Variants in IFT43 observed in about 807,000 individuals in gnomAD.
IFT43 encodes the protein intraflagellar transport 43.
IFT43 carries 33 observed loss-of-function variants against 32.3 expected under a neutral mutation model. The observed-to-expected ratio is 1.02, with a 90% CI of 0.77 to 1.37. The LOEUF is 1.37. Among genes scored for constraint, IFT43 ranks in the 40% most tolerant of loss-of-function variants. IFT43 has a pLI of 0.00. For missense variants in IFT43, 274 were observed against 265.9 expected, an observed-to-expected ratio of 1.03 and a Z score of -0.21; for synonymous variants, 93 against 98.2, an observed-to-expected ratio of 0.95 and a Z score of 0.31.
intron 5 of IFT43, among the ~76,000 whole-genome samples, chr14:76,061,208 A>G (rs529465854): frequency 6.6e-6 from 1 of 152,160 alleles, no homozygotes; most frequent in Non-Finnish European, 1.5e-5. Context: ...GAAGACGATC[A>G]TTATTCTTAT....
intron 2 of IFT43, among the ~76,000 whole-genome samples, chr14:75,993,059 A>G (rs982070842): frequency 6.6e-6 from 1 of 152,180 alleles, no homozygotes; most frequent in East Asian, 1.9e-4. Flanking sequence ...GATAGCTGGA[A>G]AGACAAAGTG....
intron 2 of IFT43, among the ~76,000 whole-genome samples, chr14:76,008,827 C>T (rs1412010814): frequency 6.6e-6 from 1 of 152,160 alleles, no homozygotes; most frequent in African/African-American, 2.4e-5. Context: ...AGTGTTCAAG[C>T]TGTTACTAAT....
intron 5 of IFT43, among the ~76,000 whole-genome samples, chr14:76,065,660 A>G (rs1219044831): frequency 6.6e-6 from 1 of 152,184 alleles, no homozygotes; most frequent in Admixed American, 6.5e-5. Context: ...GATTCATCTA[A>G]GCTGTTGCAT....
chr14:76,040,378 G>A (rs2036684384), intron 3 of IFT43, among the ~76,000 whole-genome samples: 1 of 152,212 alleles, frequency 6.6e-6, no homozygotes, highest in Non-Finnish European at 1.5e-5. Flanking sequence ...GTGTATTCAT[G>A]TGATAGTATA....
At chr14:75,992,014 C>A (rs2035653622) in intron 2 of IFT43, among the ~76,000 whole-genome samples, 1 of 152,202 alleles carries the variant, frequency 6.6e-6, no homozygotes, top group South Asian at 2.1e-4. Context: ...TGTCCTCTTG[C>A]TGACTGTATT....
chr14:75,985,861 C>T, intron 1 of IFT43, 21 bp downstream of exon 1: 1 of 1,613,370 alleles, frequency 6.2e-7, no homozygotes, highest in Non-Finnish European at 8.5e-7. Flanking sequence ...ATTCGGGGGC[C>T]TTGGGGGCCA....
At position 76,026,123 on chromosome 14, in the gene IFT43, G is replaced by A. The variant is rs144372521; in HGVS notation, c.215+3729G>A. ...AGAAAAAAAAATCCCACTAAAAAAT[G>A]GGCAAAGGATGAACAAACACTTTGT... On this transcript the variant is annotated intron_variant, in intron 3 of 8. Transcript: ENST00000314067. Among the ~76,000 whole-genome samples the A allele has an allele frequency of 2.6e-5, 4 of 152,224 alleles. No homozygotes were observed. The East Asian group carries it at 7.7e-4, about 29-fold the overall frequency.
intron 5 of IFT43, among the ~76,000 whole-genome samples, chr14:76,065,249 T>C (rs2037207657): frequency 6.6e-6 from 1 of 152,214 alleles, no homozygotes; most frequent in African/African-American, 2.4e-5. Context: ...AACATCACCA[T>C]CATCATCATT....
intron 1 of IFT43, chr14:75,986,113 C>T (rs2035519959): frequency 2.8e-6 from 4 of 1,429,120 alleles, no homozygotes; most frequent in Non-Finnish European, 2.8e-6. Flanking sequence ...CCGAGCCTTT[C>T]TCCGTTTTCT....
intron 5 of IFT43, among the ~76,000 whole-genome samples, chr14:76,069,679 G>GT (rs1425097911): frequency 1.3e-5 from 2 of 152,240 alleles, no homozygotes; most frequent in African/African-American, 2.4e-5. Flanking sequence ...CTAAATTCAA[G>GT]TTACAAAAGA....
chr14:75,995,795 G>A (rs1035931723), intron 2 of IFT43, among the ~76,000 whole-genome samples: 3 of 152,126 alleles, frequency 2.0e-5, no homozygotes, highest in Non-Finnish European at 4.4e-5. Context: ...TTCTGATAAC[G>A]TTGCCAAAGA....
chr14:76,063,343 A>G (rs1216072799), intron 5 of IFT43, among the ~76,000 whole-genome samples: 1 of 152,236 alleles, frequency 6.6e-6, no homozygotes. Context: ...CTACAGAGGC[A>G]CAGCTTAGTA....
intron 5 of IFT43, among the ~76,000 whole-genome samples, chr14:76,067,287 C>T (rs1008987992): frequency 1.3e-5 from 2 of 152,044 alleles, no homozygotes; most frequent in African/African-American, 2.4e-5. Flanking sequence ...GAAGAGAGGC[C>T]GGGTACAGTG....
Position 75,988,880 on chromosome 14 carries a change from T to C in IFT43, c.55-5T>C. ...GTCAGCAGTGCCTTCTGTTTCTCCTTACAGAGGGCCAAGATGGGTCGCCGA... is the reference window on the plus strand; with the variant it reads ...GTCAGCAGTGCCTTCTGTTTCTCCTCACAGAGGGCCAAGATGGGTCGCCGA... On this transcript the variant is annotated splice_region_variant and splice_polypyrimidine_tract_variant and intron_variant, in intron 1 of 8. Transcript: ENST00000314067. The C allele has an allele frequency of 1.2e-6, 2 of 1,613,634 alleles. 1 individual carries two copies. Among genetic ancestry groups the C allele is most frequent in the South Asian group, 2.2e-5 (2 of 91,064 alleles).
chr14:76,083,925 TCAAA>T (rs893265412), downstream of IFT43: 1 of 477,220 alleles, frequency 2.1e-6, no homozygotes, highest in African/African-American at 2.0e-5. Flanking sequence ...TCGGGAGGTT[TCAAA>T]CAGTTGCCTG....
intron 2 of IFT43, among the ~76,000 whole-genome samples, chr14:75,995,923 C>T (rs1349465944): frequency 6.6e-6 from 1 of 152,142 alleles, no homozygotes; most frequent in Non-Finnish European, 1.5e-5. Context: ...TGCAGATGTG[C>T]ATCGCTGACC....
chr14:75,991,919 T>C (rs1461667242), intron 2 of IFT43, among the ~76,000 whole-genome samples: 1 of 152,224 alleles, frequency 6.6e-6, no homozygotes, highest in Non-Finnish European at 1.5e-5. Context: ...TGGGACTTTT[T>C]GGCTGTTTCT....
intron 2 of IFT43, among the ~76,000 whole-genome samples, chr14:75,995,924 A>G (rs1012653726): frequency 6.6e-6 from 1 of 152,168 alleles, no homozygotes; most frequent in African/African-American, 2.4e-5. Context: ...GCAGATGTGC[A>G]TCGCTGACCC....
intron 3 of IFT43, among the ~76,000 whole-genome samples, chr14:76,037,262 C>T (rs2036617337): frequency 6.6e-6 from 1 of 152,170 alleles, no homozygotes; most frequent in Non-Finnish European, 1.5e-5. Context: ...CACTGTATTG[C>T]CTTGAAGGCA....
Sources: allele counts gnomAD v4.1 joint callset (sites outside exome capture counted in the v4.1 genomes callset), GRCh38; gene constraint gnomAD v4.1.1; transcripts MANE v1.5; gene names NCBI Gene and HGNC (gene_info 2026-07-23, HGNC 2026-07-21).